Variants in DCDC1 observed in about 807,000 individuals in gnomAD.
DCDC1 encodes the protein doublecortin domain containing 1, also known as doublecortin domain-containing protein 1.
Under a neutral mutation model 178.3 loss-of-function variants are expected in DCDC1, and 200 were observed. The ratio of observed to expected loss-of-function variants is 1.12; its 90% CI spans 1.00 to 1.26. The LOEUF is 1.26. DCDC1 is among the 50% of genes most tolerant of loss of function. The pLI, the probability that DCDC1 is intolerant of heterozygous loss-of-function variation, is 0.00. For synonymous variants in DCDC1, 690 were observed against 604.8 expected (o/e 1.14, Z -2.07); for missense variants, 1,983 against 1,749.2 (o/e 1.13, Z -2.38).
intron 4 of DCDC1, chr11:31,307,432 G>C (rs554113285): frequency 3.5e-6 from 2 of 568,388 alleles, no homozygotes; most frequent in African/African-American, 3.8e-5. Flanking sequence ...CTGATTGCCC[G>C]GGTTGAAGTG....
intron 21 of DCDC1, among the ~76,000 whole-genome samples, chr11:30,946,473 CTT>C (rs1054745230): frequency 1.3e-5 from 2 of 152,174 alleles, no homozygotes; most frequent in African/African-American, 2.4e-5. Context: ...TTGAATAACT[CTT>C]TTTTTCTTTT....
chr11:31,016,774 A>G (rs1952506480), intron 20 of DCDC1, among the ~76,000 whole-genome samples: 1 of 152,108 alleles, frequency 6.6e-6, no homozygotes, highest in South Asian at 2.1e-4. Flanking sequence ...TCCCATCCCC[A>G]GAGATTGTGT....
At chr11:31,074,696 G>A (rs1956764409) in intron 18 of DCDC1, among the ~76,000 whole-genome samples, 2 of 152,120 alleles carry the variant, frequency 1.3e-5, no homozygotes, top group Admixed American at 6.6e-5. Context: ...GCACAAATGA[G>A]ACAAATTGGT....
At chr11:31,234,707 C>A (rs1045694072) in intron 9 of DCDC1, among the ~76,000 whole-genome samples, 1 of 151,892 alleles carries the variant, frequency 6.6e-6, no homozygotes, top group Non-Finnish European at 1.5e-5. Context: ...TTATTGTTTT[C>A]GGAGGAGGGG....
chr11:31,123,003 G>C (rs1961034989), intron 11 of DCDC1, among the ~76,000 whole-genome samples: 1 of 151,916 alleles, frequency 6.6e-6, no homozygotes. Context: ...CACTCTGCCT[G>C]GTAATATAAA....
Position 31,056,490 on chromosome 11 carries a change from C to T in DCDC1, c.2591+7979G>A, listed in dbSNP as rs1182041023. Among the ~76,000 whole-genome samples, 6 of 152,034 alleles carry T rather than the reference C, an allele frequency of 3.9e-5. No individual in the cohort carries two copies. In the East Asian group the frequency reaches 9.7e-4, roughly 25 times the overall value. On this transcript the variant is annotated intron_variant, in intron 20 of 38. Transcript: ENST00000684477. ...GATAAAGTTTAAAAGTAAAAGGACACCAAAATTTATCATGCAAACACTGAC... is the reference window on the plus strand; with the variant it reads ...GATAAAGTTTAAAAGTAAAAGGACATCAAAATTTATCATGCAAACACTGAC...
rs747315761 is a variant in DCDC1 at position 31,290,629 on chromosome 11, T to G, written c.960+18A>C. The G allele has an allele frequency of 6.3e-7, 1 of 1,589,792 alleles. No individual in the cohort carries two copies. Among genetic ancestry groups the G allele is most frequent in the Admixed American group, 1.8e-5 (1 of 55,296 alleles). ...CTTTGAAATTAAATTCATAGTTCAA[T>G]ATTTAATTAAAAATTACCTTTTTCA... On this transcript the variant is annotated intron_variant, in intron 7 of 38. Transcript: ENST00000684477.
intron 1 of DCDC1, among the ~76,000 whole-genome samples, chr11:31,349,559 T>C (rs1450416946): frequency 6.6e-6 from 1 of 152,250 alleles, no homozygotes; most frequent in Non-Finnish European, 1.5e-5. Context: ...TAACTGAAGT[T>C]ATCACAGAAA....
chr11:31,263,136 T>C lies in DCDC1; in HGVS notation c.1054+2371A>G, dbSNP rs150306954. 2,238 of 1,544,310 alleles carry C rather than the reference T, an allele frequency of 1.4e-3. 18 individuals carry two copies. In the East Asian group the frequency reaches 0.03, roughly 21 times the overall value. Reference sequence around the variant, plus strand: ...AGGAGAAAAATAAACTTTCTAAATATAAATCTTTCATCTTAACGAAGATCC... The same window carrying C: ...AGGAGAAAAATAAACTTTCTAAATACAAATCTTTCATCTTAACGAAGATCC... On this transcript the variant is annotated intron_variant, in intron 8 of 38. Transcript: ENST00000684477.
intron 17 of DCDC1, among the ~76,000 whole-genome samples, chr11:31,087,335 C>CT (rs988721699): frequency 4.0e-5 from 6 of 151,434 alleles, no homozygotes; most frequent in East Asian, 3.9e-4. Flanking sequence ...CATTGGTTTT[C>CT]TTTTTTTTCT....
chr11:31,130,468 T>C (rs1035800990), intron 10 of DCDC1, among the ~76,000 whole-genome samples: 2 of 152,058 alleles, frequency 1.3e-5, no homozygotes, highest in Admixed American at 1.3e-4. Context: ...AAAACAGTAA[T>C]GTCCCAATAG....
chr11:31,105,765 C>T (rs555503481), intron 13 of DCDC1, among the ~76,000 whole-genome samples: 3 of 152,040 alleles, frequency 2.0e-5, no homozygotes, highest in African/African-American at 7.2e-5. Flanking sequence ...CTTCCAAAAC[C>T]TTGATGGATT....
chr11:30,941,971 C>T (rs1409585067), intron 21 of DCDC1, among the ~76,000 whole-genome samples: 11 of 151,966 alleles, frequency 7.2e-5, no homozygotes, highest in Non-Finnish European at 1.3e-4. Flanking sequence ...TTAACAACAG[C>T]GACAAACAAT....
chr11:31,039,308 C>T (rs895004036), intron 20 of DCDC1, among the ~76,000 whole-genome samples: 3 of 151,936 alleles, frequency 2.0e-5, no homozygotes, highest in Non-Finnish European at 4.4e-5. Context: ...GGGACATATA[C>T]AAAGAATTAT....
At chr11:31,229,952 G>A (rs1975548004) in intron 9 of DCDC1, among the ~76,000 whole-genome samples, 1 of 151,958 alleles carries the variant, frequency 6.6e-6, no homozygotes, top group Non-Finnish European at 1.5e-5. Context: ...TCAAAAACAA[G>A]AAAAGGATGC....
intron 21 of DCDC1, among the ~76,000 whole-genome samples, chr11:30,950,468 C>T (rs111735764): frequency 0.022 from 3,299 of 152,188 alleles, 126 homozygotes; most frequent in African/African-American, 0.073. Context: ...TATTCATCAA[C>T]AGATGAATGG....
At chr11:31,301,419 A>C (rs137930664) in intron 6 of DCDC1, among the ~76,000 whole-genome samples, 195 of 152,304 alleles carry the variant, frequency 1.3e-3, no homozygotes, top group South Asian at 7.9e-3. Context: ...TGTAGGCAGC[A>C]CTATAGCGTT....
At chr11:31,074,834 G>A (rs1024176333) in intron 18 of DCDC1, among the ~76,000 whole-genome samples, 4 of 152,186 alleles carry the variant, frequency 2.6e-5, no homozygotes, top group South Asian at 2.1e-4. Context: ...ACCATGAATG[G>A]ATCATAAAGG....
At chr11:31,245,844 A>G (rs1943516461) in intron 8 of DCDC1, among the ~76,000 whole-genome samples, 1 of 151,962 alleles carries the variant, frequency 6.6e-6, no homozygotes, top group Non-Finnish European at 1.5e-5. Flanking sequence ...GTTAAATAAG[A>G]AAATAAACTG....
Sources: gnomAD v4.1 joint callset for allele counts (sites outside exome capture counted in the v4.1 genomes callset) on GRCh38, gnomAD v4.1.1 for gene constraint, MANE v1.5 for transcripts, NCBI Gene and HGNC (gene_info 2026-07-23, HGNC 2026-07-21) for gene names.